Variants in OSGIN2 observed in about 807,000 individuals in gnomAD.
The protein encoded by OSGIN2 is oxidative stress-induced growth inhibitor 2.
OSGIN2 carries 19 observed loss-of-function variants against 53.8 expected under a neutral mutation model. The observed-to-expected ratio is 0.35, with a 90% CI of 0.25 to 0.52. The LOEUF is 0.52. OSGIN2 is among the 20% of genes least tolerant of loss of function. The probability of loss-of-function intolerance (pLI) is 0.95; values close to 1 mark genes in which losing one functional copy is unlikely to be tolerated. For missense variants in OSGIN2, 520 were observed against 662.7 expected (o/e 0.78, Z 2.36); for synonymous variants, 236 against 236.0 (o/e 1.00, Z 0.00).
chr8:89,914,251 A>G (rs778614300), intron 3 of OSGIN2, 38 bp downstream of exon 3: 1 of 1,467,334 alleles, frequency 6.8e-7, no homozygotes, highest in South Asian at 1.2e-5. Flanking sequence ...AAATTTTTTT[A>G]TGCTGAAACA....
chr8:89,925,373 T>C lies in OSGIN2; in HGVS notation c.1491T>C (p.Cys497=), dbSNP rs573366146. Residue 497 remains cysteine, a synonymous_variant, in exon 6 of 6, where the codon TGT becomes TGC. Transcript: ENST00000451899. ...PVEIDTYTYE[C]IKEANLFALG... ...AAATAGATACATATACCTATGAGTG[T>C]ATTAAAGAAGCCAACCTTTTTGCAT... 18 of 1,614,126 alleles carry C rather than the reference T, an allele frequency of 1.1e-5. No individual in the cohort carries two copies. In the African/African-American group the frequency reaches 2.3e-4, roughly 20 times the overall value.
intron 1 of OSGIN2, among the ~76,000 whole-genome samples, chr8:89,906,585 C>CT (rs140296742): frequency 0.023 from 3,480 of 152,226 alleles, 127 homozygotes; most frequent in African/African-American, 0.078. Context: ...CCAGCTCCAT[C>CT]TATGTCCCTG....
intron 3 of OSGIN2, among the ~76,000 whole-genome samples, 167 bp from the exon 4 acceptor site, chr8:89,914,388 T>G (rs1019783972): frequency 8.5e-5 from 13 of 152,254 alleles, no homozygotes; most frequent in Non-Finnish European, 1.8e-4. Context: ...CTTGAATTTA[T>G]TAGAGCAGAG....
chr8:89,927,310 CTT>C lies in OSGIN2; in HGVS notation c.*1779_*1780del, dbSNP rs1292896290. The C allele has an allele frequency of 1.3e-5, 2 of 148,584 alleles. No homozygotes were observed. Among genetic ancestry groups the C allele is most frequent in the South Asian group, 4.3e-4 (2 of 4,642 alleles). The allele number at this position is 148,584 out of a possible 1,614,324, so 9.2% of individuals were successfully genotyped here. On this transcript the variant is annotated 3_prime_UTR_variant, in exon 6 of 6. Coordinates refer to ENST00000451899, the MANE Select transcript of OSGIN2 (RefSeq NM_001126111.3). ...AGTATTTGTTAAAAAAAAAAAAAGA[CTT>C]CAAGAAAAATAAAAGTTCAGTGGAG...
chr8:89,902,367 A>G (rs1480503111), upstream of OSGIN2, among the ~76,000 whole-genome samples: 1 of 152,024 alleles, frequency 6.6e-6, no homozygotes, highest in Non-Finnish European at 1.5e-5. Flanking sequence ...CGAGCCGCGC[A>G]GTTTGCCTGC....
intron 2 of OSGIN2, among the ~76,000 whole-genome samples, chr8:89,911,487 G>A (rs574019609): frequency 8.6e-5 from 13 of 151,836 alleles, no homozygotes; most frequent in Non-Finnish European, 1.5e-4. Flanking sequence ...AAAATTAGCC[G>A]GGCATGGTGG....
rs1809299208 is a variant in OSGIN2, at chr8:89,925,296, T to C, written c.1414T>C (p.Tyr472His). The C allele has an allele frequency of 6.2e-7, 1 of 1,614,158 alleles. No homozygotes were observed. ...NLSFLKDQGC[Y>H]LGHKSSQPIT... ...GTCTTTTCTGAAGGATCAAGGGTGT[T>C]ACCTAGGCCATAAGTCAAGCCAGCC... Residue 472 changes from tyrosine (Y) to histidine (H), a missense_variant, in exon 6 of 6, where the codon TAC becomes CAC. Physicochemically the swap from Tyr to His is moderately conservative, Grantham distance 83. Around this residue, in one of 3 missense-constraint regions of OSGIN2, gnomAD observed 239 missense variants for 328.3 expected, o/e 0.73. Coordinates refer to ENST00000451899, the MANE Select transcript of OSGIN2 (RefSeq NM_001126111.3).
At chr8:89,922,226 A>C (rs1344627382) in intron 5 of OSGIN2, among the ~76,000 whole-genome samples, 2 of 152,216 alleles carry the variant, frequency 1.3e-5, no homozygotes, top group African/African-American at 2.4e-5. Context: ...CTGCTACATA[A>C]CAACCATGTT....
Position 89,924,660 on chromosome 8 carries a change from A to G in OSGIN2, c.778A>G (p.Arg260Gly). 2 of 1,614,144 alleles carry G rather than the reference A, an allele frequency of 1.2e-6. No individual in the cohort carries two copies. Among genetic ancestry groups the G allele is most frequent in the Admixed American group, 1.7e-5 (1 of 60,026 alleles). Residue 260 changes from arginine (R) to glycine (G), a missense_variant, in exon 6 of 6, where the codon AGA (arginine) becomes GGA (glycine). This residue lies in a region of OSGIN2 where 78 missense variants were observed against 59.1 expected (regional missense o/e 1.32). Coordinates refer to ENST00000451899, the MANE Select transcript of OSGIN2 (RefSeq NM_001126111.3). ...RDQDDDDIQD[R>G]DISTKHLQIE... ...TCAAGATGATGATGATATTCAAGAC[A>G]GAGATATTTCAACAAAGCATTTACA...
intron 4 of OSGIN2, among the ~76,000 whole-genome samples, chr8:89,918,571 A>C (rs1809131456): frequency 6.6e-6 from 1 of 152,202 alleles, no homozygotes; most frequent in South Asian, 2.1e-4. Context: ...AATGGCTTGC[A>C]TATTGATATT....
chr8:89,917,729 CCACAATTT>C (rs1489990878), intron 4 of OSGIN2, among the ~76,000 whole-genome samples: 6 of 152,176 alleles, frequency 3.9e-5, no homozygotes, highest in African/African-American at 1.4e-4. Flanking sequence ...GATTGAACTT[CCACAATTT>C]CACACTCAAA....
intron 1 of OSGIN2, among the ~76,000 whole-genome samples, chr8:89,908,114 G>A (rs1202399577): frequency 6.6e-6 from 1 of 152,202 alleles, no homozygotes; most frequent in Non-Finnish European, 1.5e-5. Context: ...GTTAAATGCA[G>A]TTGCCAAGAG....
At chr8:89,913,762 T>C (rs1809020106) in intron 2 of OSGIN2, among the ~76,000 whole-genome samples, 2 of 152,170 alleles carry the variant, frequency 1.3e-5, no homozygotes, top group Admixed American at 1.3e-4. Context: ...ATTAAAGTTA[T>C]TAGTGGGCCA....
intron 4 of OSGIN2, among the ~76,000 whole-genome samples, chr8:89,920,442 C>T (rs1039169219): frequency 6.6e-6 from 1 of 152,124 alleles, no homozygotes; most frequent in Non-Finnish European, 1.5e-5. Context: ...GGCCTTTGGG[C>T]TTTTCTTGCT....
In OSGIN2 at chr8:89,926,396, A is replaced by G. The variant is rs1175690982; in HGVS notation, c.*864A>G. 2 of 152,648 alleles carry G rather than the reference A, an allele frequency of 1.3e-5. No individual in the cohort carries two copies. Among genetic ancestry groups the G allele is most frequent in the East Asian group, 1.9e-4 (1 of 5,204 alleles). 9.5% of individuals were successfully genotyped at this position (152,648 alleles called of 1,614,324 possible). A position where few individuals can be genotyped will look rare whatever the true frequency, so the allele number is the denominator to read the frequency against. On this transcript the variant is annotated 3_prime_UTR_variant, in exon 6 of 6. Transcript: ENST00000451899. ...AGTTCAATAAATTGTGGGTTGAACT[A>G]CTTATCCCTGTGTGAACATTGAATT...
intron 4 of OSGIN2, among the ~76,000 whole-genome samples, chr8:89,915,788 C>T (rs1268911838): frequency 6.6e-6 from 1 of 152,064 alleles, no homozygotes; most frequent in South Asian, 2.1e-4. Context: ...AAGTTGTTTA[C>T]GTTTATAAAA....
At position 89,925,601 on chromosome 8, in the gene OSGIN2, A is replaced by T. The variant is rs1466767755; in HGVS notation, c.*69A>T. On this transcript the variant is annotated 3_prime_UTR_variant, in exon 6 of 6. Transcript: ENST00000451899. ...ATTTTTAATAGTGGTTTTGCAGTGTACTGGCTTGAATTTTCTGGACTTGAG... is the reference window on the plus strand; with the variant it reads ...ATTTTTAATAGTGGTTTTGCAGTGTTCTGGCTTGAATTTTCTGGACTTGAG... The T allele has an allele frequency of 5.6e-6, 7 of 1,243,548 alleles. No individual in the cohort carries two copies. The highest frequency in any genetic ancestry group is 7.8e-6 in the Non-Finnish European group (7 of 902,454). The allele number at this position is 1,243,548 out of a possible 1,614,324, so 77.0% of individuals were successfully genotyped here. A position where few individuals can be genotyped will look rare whatever the true frequency, so the allele number is the denominator to read the frequency against.
At position 89,914,071 on chromosome 8, in the gene OSGIN2, T is replaced by G; in HGVS notation, c.200-6T>G. 2 of 1,608,388 alleles carry G rather than the reference T, an allele frequency of 1.2e-6. No homozygotes were observed. The highest frequency in any genetic ancestry group is 1.1e-5 in the South Asian group (1 of 90,402). ...CCTACCCCTTTCCACCTTTTATTTT[T>G]AATAGGAAATGGACCCTCAGGAATA... On this transcript the variant is annotated splice_polypyrimidine_tract_variant and splice_region_variant and intron_variant, in intron 2 of 5. Coordinates refer to ENST00000451899, the MANE Select transcript of OSGIN2 (RefSeq NM_001126111.3).
At chr8:89,902,909 G>A in intron 1 of OSGIN2, 72 bp downstream of exon 1, 2 of 1,133,664 alleles carry the variant, frequency 1.8e-6, no homozygotes, top group Non-Finnish European at 2.3e-6. Context: ...GGCCTGGCCC[G>A]GGCCGGGACC....
Sources: gnomAD v4.1 joint callset for allele counts (sites outside exome capture counted in the v4.1 genomes callset) on GRCh38, gnomAD v4.1.1 for gene constraint, gnomAD v4.1.1 regional missense constraint, MANE v1.5 for transcripts, NCBI Gene and HGNC (gene_info 2026-07-23, HGNC 2026-07-21) for gene names.